The following CDH13 variants were observed in gnomAD, a reference collection of about 807,000 sequenced individuals.
CDH13 encodes cadherin 13, also known as cadherin-13.
CDH13 carries 24 observed loss-of-function variants against 63.8 expected under a neutral mutation model. That is an observed-to-expected ratio of 0.38 (90% CI 0.27 to 0.53). CDH13 has a LOEUF of 0.53. CDH13 is among the 20% of genes least tolerant of loss of function. The pLI, the probability that CDH13 is intolerant of heterozygous loss-of-function variation, is 0.85. For missense variants in CDH13, 1,049 were observed against 903.1 expected, an observed-to-expected ratio of 1.16 and a Z score of -2.07; for synonymous variants, 503 against 355.3, an observed-to-expected ratio of 1.42 and a Z score of -4.67.
chr16:82,931,513 C>CCTTTT (rs565823742), intron 2 of CDH13, among the ~76,000 whole-genome samples: 1 of 144,364 alleles, frequency 6.9e-6, no homozygotes, highest in Non-Finnish European at 1.5e-5. Context: ...AGGTCCCCCC[C>CCTTTT]TTTTTTTTTT....
chr16:82,861,270 T>C (rs1429542801), intron 2 of CDH13, among the ~76,000 whole-genome samples: 7 of 152,218 alleles, frequency 4.6e-5, no homozygotes, highest in Admixed American at 4.6e-4. Flanking sequence ...GCACTTCATA[T>C]TTTTCCTTTA....
At chr16:82,996,394 T>C (rs1453059356) in intron 2 of CDH13, among the ~76,000 whole-genome samples, 1 of 152,182 alleles carries the variant, frequency 6.6e-6, no homozygotes, top group Non-Finnish European at 1.5e-5. Flanking sequence ...TGCATACTTC[T>C]TTGTGTGAAG....
chr16:83,311,412 C>G (rs756147348), intron 5 of CDH13, among the ~76,000 whole-genome samples: 2 of 152,192 alleles, frequency 1.3e-5, no homozygotes, highest in African/African-American at 4.8e-5. Context: ...AGAGAAAATA[C>G]TTTCTCTCCA....
chr16:82,825,859 T>TTTG (rs1043607359), intron 1 of CDH13: 2 of 151,680 alleles, frequency 1.3e-5, no homozygotes, highest in African/African-American at 4.9e-5. Context: ...AACAATTTTT[T>TTTG]TTTGTTTGTT....
intron 2 of CDH13, among the ~76,000 whole-genome samples, chr16:82,900,333 A>G (rs1178115894): frequency 6.6e-6 from 1 of 152,170 alleles, no homozygotes; most frequent in Non-Finnish European, 1.5e-5. Flanking sequence ...ATAAACTCTG[A>G]AGTTGAGTTT....
intron 1 of CDH13, among the ~76,000 whole-genome samples, chr16:82,814,488 C>T (rs2037605329): frequency 6.6e-6 from 1 of 152,098 alleles, no homozygotes; most frequent in South Asian, 2.1e-4. Flanking sequence ...ACAAAGCCTC[C>T]ATGATAACCC....
intron 6 of CDH13, among the ~76,000 whole-genome samples, chr16:83,389,609 G>A (rs1342622699): frequency 1.3e-5 from 2 of 152,126 alleles, no homozygotes; most frequent in African/African-American, 2.4e-5. Flanking sequence ...TCTGCAGATA[G>A]TCCCACCTTT....
At chr16:83,388,302 A>T (rs72804350) in intron 6 of CDH13, among the ~76,000 whole-genome samples, 12,987 of 149,754 alleles carry the variant, frequency 0.087, 740 homozygotes, top group South Asian at 0.13. Context: ...AAAAAAAAAA[A>T]TGTTAGCCAG....
At chr16:82,914,135 G>A (rs144316541) in intron 2 of CDH13, among the ~76,000 whole-genome samples, 1 of 152,046 alleles carries the variant, frequency 6.6e-6, no homozygotes, top group Non-Finnish European at 1.5e-5. Flanking sequence ...TTCTTCTAGC[G>A]ATCTGACAAG....
At chr16:83,248,877 A>AATGTG (rs752151209) in intron 5 of CDH13, among the ~76,000 whole-genome samples, 14 of 152,126 alleles carry the variant, frequency 9.2e-5, no homozygotes, top group Non-Finnish European at 1.6e-4. Context: ...ATCATCCTCA[A>AATGTG]ATGTGATGTG....
chr16:82,922,673 C>G (rs933520115), intron 2 of CDH13, among the ~76,000 whole-genome samples: 5 of 152,138 alleles, frequency 3.3e-5, no homozygotes, highest in African/African-American at 1.2e-4. Flanking sequence ...TGACCCATGC[C>G]TGAAAGTGAG....
chr16:83,426,191 C>T (rs1221063509), intron 6 of CDH13, among the ~76,000 whole-genome samples: 2 of 152,148 alleles, frequency 1.3e-5, no homozygotes, highest in Non-Finnish European at 1.5e-5. Flanking sequence ...ACTATGTTCA[C>T]TCCTCCCAGC....
chr16:82,690,186 ATCT>A (rs1346641725), intron 1 of CDH13, among the ~76,000 whole-genome samples: 7 of 142,386 alleles, frequency 4.9e-5, no homozygotes, highest in African/African-American at 1.0e-4. Flanking sequence ...AAAAAAAAAA[ATCT>A]TCTCATGACC....
At chr16:83,243,314 C>T (rs9783769) in intron 5 of CDH13, among the ~76,000 whole-genome samples, 151,632 of 152,322 alleles carry the variant, frequency 1, 75,476 homozygotes, top group Non-Finnish European at 1. Context: ...GGCCTCACGG[C>T]GATGGTGGAA....
At chr16:82,708,955 T>C (rs2031705842) in intron 1 of CDH13, among the ~76,000 whole-genome samples, 1 of 152,220 alleles carries the variant, frequency 6.6e-6, no homozygotes, top group Non-Finnish European at 1.5e-5. Context: ...ATCTATTCTT[T>C]AGAACCAGAA....
At chr16:83,557,236 G>T (rs1308598712) in intron 7 of CDH13, among the ~76,000 whole-genome samples, 1 of 152,154 alleles carries the variant, frequency 6.6e-6, no homozygotes, top group African/African-American at 2.4e-5. Flanking sequence ...CCCCAGATGA[G>T]ACCATCTAGT....
intron 1 of CDH13, among the ~76,000 whole-genome samples, chr16:82,707,316 T>C (rs953510225): frequency 2.6e-5 from 4 of 152,098 alleles, no homozygotes; most frequent in African/African-American, 7.2e-5. Context: ...TTGTAAACAT[T>C]TGTAGGGAAG....
chr16:83,016,969 G>T (rs563503394), intron 2 of CDH13, among the ~76,000 whole-genome samples: 4 of 152,304 alleles, frequency 2.6e-5, no homozygotes, highest in African/African-American at 9.6e-5. Flanking sequence ...CTTGGGATGT[G>T]TGATGACTTC....
At chr16:83,546,200 G>A (rs147399697) in intron 7 of CDH13, among the ~76,000 whole-genome samples, 2 of 148,172 alleles carry the variant, frequency 1.3e-5, no homozygotes, top group South Asian at 2.2e-4. Context: ...AGTGTAGAGC[G>A]TGGGACGTCT....
Sources: gnomAD v4.1 joint callset for allele counts (sites outside exome capture counted in the v4.1 genomes callset) on GRCh38, gnomAD v4.1.1 for gene constraint, MANE v1.5 for transcripts, NCBI Gene and HGNC (gene_info 2026-07-23, HGNC 2026-07-21) for gene names.